NRXN3: variants seen among roughly 807,000 people sequenced by gnomAD.
NRXN3 encodes the protein neurexin III.
NRXN3 carries 32 observed loss-of-function variants against 137.6 expected under a neutral mutation model. That is an observed-to-expected ratio of 0.23 (90% CI 0.18 to 0.31). The LOEUF (loss-of-function observed/expected upper bound fraction) is 0.31. Among genes scored for constraint, NRXN3 ranks in the 10% least tolerant of loss-of-function variants. The pLI is 1.00. For missense variants in NRXN3, 1,574 were observed against 2,062.5 expected, an observed-to-expected ratio of 0.76 and a Z score of 4.59; for synonymous variants, 798 against 784.5, an observed-to-expected ratio of 1.02 and a Z score of -0.29.
chr14:79,136,302 C>G (rs1190317474), intron 15 of NRXN3, among the ~76,000 whole-genome samples: 1 of 152,176 alleles, frequency 6.6e-6, no homozygotes, highest in Non-Finnish European at 1.5e-5. Flanking sequence ...AATTTTTCAA[C>G]CAAACAGGAC....
chr14:79,374,708 G>A (rs1188825580), intron 15 of NRXN3, among the ~76,000 whole-genome samples: 4 of 151,954 alleles, frequency 2.6e-5, no homozygotes, highest in African/African-American at 9.7e-5. Flanking sequence ...TGACTTGTAA[G>A]CCCATGCTTC....
At chr14:78,967,057 C>T in intron 12 of NRXN3, 151 bp from the exon 13 acceptor site, 1 of 658,826 alleles carries the variant, frequency 1.5e-6, no homozygotes, top group South Asian at 2.1e-5. Context: ...TCTGACTATT[C>T]TTGTAACCTC....
In NRXN3 at chr14:79,451,970, G is replaced by C. The variant is rs543395903; in HGVS notation, c.3263-15251G>C. Among the ~76,000 whole-genome samples, 21 of 152,294 alleles carry C rather than the reference G, an allele frequency of 1.4e-4. No individual in the cohort carries two copies. In the East Asian group the frequency reaches 3.5e-3, roughly 25 times the overall value. On this transcript the variant is annotated intron_variant, in intron 15 of 20. Coordinates refer to ENST00000335750, the MANE Select transcript of NRXN3 (RefSeq NM_001330195.2). ...TCAAATACTAGGTCATTGCTTTGGA[G>C]AATCTTCTTGCACCCAAAACAACTT...
chr14:79,485,348 C>A (rs1182538236), intron 16 of NRXN3, among the ~76,000 whole-genome samples: 1 of 152,132 alleles, frequency 6.6e-6, no homozygotes, highest in Non-Finnish European at 1.5e-5. Flanking sequence ...TCCCCACCAC[C>A]CCCCAACTCC....
intron 19 of NRXN3, among the ~76,000 whole-genome samples, chr14:79,753,284 G>A (rs544240972): frequency 2.9e-3 from 447 of 151,650 alleles, no homozygotes; most frequent in Non-Finnish European, 3.5e-3. Context: ...TGTTTATTGC[G>A]GCACTATTCA....
intron 15 of NRXN3, among the ~76,000 whole-genome samples, chr14:79,077,683 A>G (rs533768394): frequency 6.6e-6 from 1 of 152,290 alleles, no homozygotes; most frequent in South Asian, 2.1e-4. Flanking sequence ...TATCAGTTGT[A>G]TTGCAGATCA....
chr14:78,986,309 T>C (rs114885593), intron 14 of NRXN3, among the ~76,000 whole-genome samples: 207 of 152,254 alleles, frequency 1.4e-3, no homozygotes, highest in African/African-American at 4.9e-3. Flanking sequence ...CTCTGGGAAA[T>C]TCATGGAGTT....
intron 4 of NRXN3, among the ~76,000 whole-genome samples, chr14:78,503,246 A>T (rs915734937): frequency 2.0e-5 from 3 of 152,182 alleles, no homozygotes; most frequent in African/African-American, 7.2e-5. Flanking sequence ...TTAAAAAGCT[A>T]CTTGTATAAA....
At chr14:79,793,639 C>G (rs1247310251) in intron 19 of NRXN3, among the ~76,000 whole-genome samples, 3 of 152,032 alleles carry the variant, frequency 2.0e-5, no homozygotes, top group Admixed American at 2.0e-4. Flanking sequence ...GCCCCCTTGC[C>G]CAAAAATCCA....
chr14:78,764,188 T>TTAAG (rs1490890570), intron 8 of NRXN3, among the ~76,000 whole-genome samples: 7 of 152,170 alleles, frequency 4.6e-5, no homozygotes, highest in African/African-American at 1.4e-4. Flanking sequence ...ATTTACAAAC[T>TTAAG]AGTTAAGAGT....
At chr14:79,406,284 T>TTCTCCCCTCC (rs1237905419) in intron 15 of NRXN3, among the ~76,000 whole-genome samples, 5 of 134,112 alleles carry the variant, frequency 3.7e-5, no homozygotes, top group Admixed American at 1.6e-4. Context: ...CTCTCCCCTC[T>TTCTCCCCTCC]TCTCCCCTCC....
intron 15 of NRXN3, among the ~76,000 whole-genome samples, chr14:79,386,114 C>T (rs906064652): frequency 8.6e-5 from 13 of 152,002 alleles, no homozygotes; most frequent in Non-Finnish European, 1.5e-4. Flanking sequence ...GGCAATCAGG[C>T]AGGAGAAGGA....
intron 17 of NRXN3, among the ~76,000 whole-genome samples, chr14:79,688,755 C>T (rs567625089): frequency 2.0e-5 from 3 of 152,282 alleles, no homozygotes; most frequent in Admixed American, 2.0e-4. Context: ...TATAATTCCA[C>T]AGTGCATGTG....
intron 4 of NRXN3, among the ~76,000 whole-genome samples, chr14:78,377,408 A>G (rs548926178): frequency 6.6e-6 from 1 of 152,366 alleles, no homozygotes; most frequent in Non-Finnish European, 1.5e-5. Flanking sequence ...TGTGTGAAGC[A>G]CAAATAGACT....
chr14:79,033,938 A>G (rs927133902), intron 15 of NRXN3, among the ~76,000 whole-genome samples: 1 of 152,076 alleles, frequency 6.6e-6, no homozygotes, highest in Non-Finnish European at 1.5e-5. Flanking sequence ...CTCCATATAA[A>G]TATTTCTACC....
At chr14:79,349,542 A>AT (rs2093089496) in intron 15 of NRXN3, among the ~76,000 whole-genome samples, 8 of 115,130 alleles carry the variant, frequency 6.9e-5, no homozygotes, top group African/African-American at 2.8e-4. Context: ...CGGGAAAAAA[A>AT]AATACACACA....
In NRXN3 at chr14:79,332,634, A is replaced by G. The variant is rs752621242; in HGVS notation, c.3263-134587A>G. ...AAACTTTCTCTAAACGGACTCAAACATTTCTTCTTCTGGGTTTTCCCAGCG... is the reference window on the plus strand; with the variant it reads ...AAACTTTCTCTAAACGGACTCAAACGTTTCTTCTTCTGGGTTTTCCCAGCG... On this transcript the variant is annotated intron_variant, in intron 15 of 20. Transcript: ENST00000335750. Among the ~76,000 whole-genome samples the G allele has an allele frequency of 3.3e-5, 5 of 152,110 alleles. No individual in the cohort carries two copies. In the South Asian group the frequency reaches 1.0e-3, roughly 32 times the overall value.
At chr14:78,445,433 C>T (rs55979048) in intron 4 of NRXN3, among the ~76,000 whole-genome samples, 8 of 152,068 alleles carry the variant, frequency 5.3e-5, no homozygotes, top group African/African-American at 9.7e-5. Context: ...TGAAAAGTGA[C>T]GGGGAGGCAG....
intron 8 of NRXN3, among the ~76,000 whole-genome samples, chr14:78,799,915 A>G (rs895844162): frequency 1.3e-5 from 2 of 152,118 alleles, no homozygotes; most frequent in Non-Finnish European, 2.9e-5. Flanking sequence ...CCCTCCCCCA[A>G]TATGTGGGAA....
Sources: gnomAD v4.1 joint callset for allele counts (sites outside exome capture counted in the v4.1 genomes callset) on GRCh38, gnomAD v4.1.1 for gene constraint, MANE v1.5 for transcripts, NCBI Gene and HGNC (gene_info 2026-07-23, HGNC 2026-07-21) for gene names.